Variants in PTPN4 observed in about 807,000 individuals in gnomAD.
PTPN4 encodes tyrosine-protein phosphatase non-receptor type 4.
Under a neutral mutation model 135.5 loss-of-function variants are expected in PTPN4, and 49 were observed. That is an observed-to-expected ratio of 0.36 (90% CI 0.29 to 0.46). PTPN4 has a LOEUF of 0.46. PTPN4 is among the 20% of genes least tolerant of loss of function. PTPN4 has a pLI of 1.00. For synonymous variants in PTPN4, 333 were observed against 369.9 expected, an observed-to-expected ratio of 0.90 and a Z score of 1.14; for missense variants, 860 against 1,101.0, an observed-to-expected ratio of 0.78 and a Z score of 3.10.
chr2:119,973,946 A>T (rs1679576807), intron 26 of PTPN4, among the ~76,000 whole-genome samples: 1 of 152,056 alleles, frequency 6.6e-6, no homozygotes, highest in South Asian at 2.1e-4. Flanking sequence ...TTCTAATTCT[A>T]TCATTCTGTC....
chr2:119,788,861 G>A (rs1405940031), intron 1 of PTPN4, among the ~76,000 whole-genome samples: 2 of 152,140 alleles, frequency 1.3e-5, no homozygotes, highest in Non-Finnish European at 2.9e-5. Flanking sequence ...TGGTTATTGT[G>A]AATAATGCTG....
chr2:119,836,869 G>C (rs905760343), intron 2 of PTPN4, among the ~76,000 whole-genome samples: 24 of 152,198 alleles, frequency 1.6e-4, no homozygotes, highest in African/African-American at 5.5e-4. Flanking sequence ...TCTGGACTTT[G>C]GGCGCTGATG....
intron 2 of PTPN4, among the ~76,000 whole-genome samples, chr2:119,840,041 T>C (rs1290962701): frequency 6.6e-6 from 1 of 152,210 alleles, no homozygotes; most frequent in Non-Finnish European, 1.5e-5. Context: ...AAATACTTTT[T>C]TTTCCTTTTT....
Position 119,865,627 on chromosome 2 carries a change from A to G in PTPN4, c.246+2984A>G, listed in dbSNP as rs182227875. Among the ~76,000 whole-genome samples the G allele has an allele frequency of 5.5e-4, 84 of 152,186 alleles. 1 individual carries two copies. The highest frequency in any genetic ancestry group is 1.1e-3 in the Non-Finnish European group (76 of 67,922). On this transcript the variant is annotated intron_variant, in intron 3 of 26. Coordinates refer to ENST00000263708, the MANE Select transcript of PTPN4 (RefSeq NM_002830.4). ...TATTAAGGAGAGGAGGTAACCATAT[A>G]ATAAAATTACTATCAGTGATCCAAA... is the stretch of plus-strand genomic sequence containing the variant.
At chr2:119,945,656 C>A (rs556096202) in intron 16 of PTPN4, among the ~76,000 whole-genome samples, 3 of 151,608 alleles carry the variant, frequency 2.0e-5, no homozygotes, top group African/African-American at 7.3e-5. Context: ...GAAAGAAGCC[C>A]AGGACAAATA....
At chr2:119,888,112 TTTGTAGCTA>T (rs1318918915) in intron 9 of PTPN4, among the ~76,000 whole-genome samples, 1 of 152,180 alleles carries the variant, frequency 6.6e-6, no homozygotes, top group Non-Finnish European at 1.5e-5. Context: ...CTAGGTATTT[TTTGTAGCTA>T]TTGTAAATGG....
chr2:119,912,894 G>A (rs553222146), intron 10 of PTPN4, among the ~76,000 whole-genome samples: 2 of 151,888 alleles, frequency 1.3e-5, no homozygotes, highest in African/African-American at 2.4e-5. Context: ...CTTTTTATTT[G>A]CCAGAAGTCT....
At chr2:119,840,837 C>G (rs1406534506) in intron 2 of PTPN4, among the ~76,000 whole-genome samples, 1 of 152,120 alleles carries the variant, frequency 6.6e-6, no homozygotes, top group Non-Finnish European at 1.5e-5. Context: ...TTCTAATGAT[C>G]AGTGATGTTA....
At chr2:119,820,852 C>CAT (rs574326013) in intron 2 of PTPN4, among the ~76,000 whole-genome samples, 414 of 127,816 alleles carry the variant, frequency 3.2e-3, no homozygotes, top group African/African-American at 0.011. Context: ...GTATACTTTA[C>CAT]ATATATATAT....
intron 2 of PTPN4, among the ~76,000 whole-genome samples, chr2:119,845,042 G>A (rs1437449136): frequency 3.3e-5 from 5 of 149,494 alleles, no homozygotes; most frequent in Non-Finnish European, 7.5e-5. Flanking sequence ...CTCGCGGTTA[G>A]GGGCTGGAGA....
chr2:119,963,017 A>G (rs879293977), intron 24 of PTPN4, among the ~76,000 whole-genome samples: 5 of 152,204 alleles, frequency 3.3e-5, no homozygotes, highest in Non-Finnish European at 7.3e-5. Flanking sequence ...TACTTTGCTT[A>G]TTCAGAACAA....
intron 2 of PTPN4, among the ~76,000 whole-genome samples, chr2:119,822,593 G>A (rs571603760): frequency 1.3e-5 from 2 of 152,214 alleles, no homozygotes; most frequent in East Asian, 1.9e-4. Context: ...TCCTCACCTC[G>A]TGATCCACCT....
intron 26 of PTPN4, among the ~76,000 whole-genome samples, chr2:119,968,985 G>C (rs531546372): frequency 6.6e-6 from 1 of 152,222 alleles, no homozygotes; most frequent in Non-Finnish European, 1.5e-5. Context: ...GTTACTTGAA[G>C]GAAATTGACC....
chr2:119,946,449 C>A, intron 17 of PTPN4, 25 bp downstream of exon 17: 3 of 1,590,452 alleles, frequency 1.9e-6, no homozygotes, highest in Non-Finnish European at 2.6e-6. Flanking sequence ...ATTTTATACT[C>A]AGTTTTTAAA....
chr2:119,839,440 C>G (rs1677347481), intron 2 of PTPN4, among the ~76,000 whole-genome samples: 1 of 152,196 alleles, frequency 6.6e-6, no homozygotes, highest in South Asian at 2.1e-4. Context: ...GAGGACAAAA[C>G]TTTCAAACAC....
intron 9 of PTPN4, among the ~76,000 whole-genome samples, chr2:119,893,297 A>G (rs966768017): frequency 3.9e-5 from 6 of 152,158 alleles, no homozygotes; most frequent in Non-Finnish European, 8.8e-5. Context: ...TGTACTGGCT[A>G]TGGGTGTGAG....
At position 119,977,135 on chromosome 2, in the gene PTPN4, T is replaced by G. The variant is rs1295012768; in HGVS notation, c.*65T>G. The G allele has an allele frequency of 2.1e-6, 3 of 1,459,540 alleles. No individual in the cohort carries two copies. The highest frequency in any genetic ancestry group is 1.5e-5 in the South Asian group (1 of 64,986). The allele number at this position is 1,459,540 out of a possible 1,614,324, so 90.4% of individuals were successfully genotyped here. A position where few individuals can be genotyped will look rare whatever the true frequency, so the allele number is the denominator to read the frequency against. ...TTCCCTTATGTTCACTGTGCCATAA[T>G]GCTGCTCGCAGGAAATGGCATTTTA... On this transcript the variant is annotated 3_prime_UTR_variant, in exon 27 of 27. Coordinates refer to ENST00000263708, the MANE Select transcript of PTPN4 (RefSeq NM_002830.4).
intron 1 of PTPN4, among the ~76,000 whole-genome samples, chr2:119,807,389 G>A (rs1186678940): frequency 6.6e-6 from 1 of 152,138 alleles, no homozygotes; most frequent in Non-Finnish European, 1.5e-5. Context: ...AAATCATAAA[G>A]GAGATATCAC....
intron 1 of PTPN4, among the ~76,000 whole-genome samples, chr2:119,804,791 AC>A (rs1691438234): frequency 6.6e-6 from 1 of 152,218 alleles, no homozygotes; most frequent in African/African-American, 2.4e-5. Flanking sequence ...TTGGGCATAT[AC>A]CCAGTAATGG....
Sources: allele counts gnomAD v4.1 joint callset (sites outside exome capture counted in the v4.1 genomes callset), GRCh38; gene constraint gnomAD v4.1.1; transcripts MANE v1.5; gene names NCBI Gene and HGNC (gene_info 2026-07-23, HGNC 2026-07-21).